The following RFX7 variants were observed in gnomAD, a reference collection of about 807,000 sequenced individuals.
RFX7 encodes DNA-binding protein RFX7.
In RFX7, 26 loss-of-function variants were observed where a neutral mutation model predicts 111.8. The observed-to-expected ratio is 0.23, with a 90% CI of 0.17 to 0.32. RFX7 has a LOEUF of 0.32. Among genes scored for constraint, RFX7 ranks in the 10% least tolerant of loss-of-function variants. The pLI, the probability that RFX7 is intolerant of heterozygous loss-of-function variation, is 1.00. For missense variants in RFX7, 1,573 were observed against 1,772.9 expected, an observed-to-expected ratio of 0.89 and a Z score of 2.02; for synonymous variants, 624 against 624.4, an observed-to-expected ratio of 1.00 and a Z score of 0.01.
At chr15:56,196,210 AC>A (rs1456066432) in intron 2 of RFX7, among the ~76,000 whole-genome samples, 1 of 152,114 alleles carries the variant, frequency 6.6e-6, no homozygotes, top group Non-Finnish European at 1.5e-5. Flanking sequence ...GCCAGTTTGA[AC>A]AAACTTCAAC....
chr15:56,105,326 T>G (rs2041815582), intron 5 of RFX7, among the ~76,000 whole-genome samples: 1 of 152,200 alleles, frequency 6.6e-6, no homozygotes, highest in African/African-American at 2.4e-5. Context: ...TTTATTTGTC[T>G]TCTTCATCAC....
chr15:56,213,303 G>A (rs1339646965), intron 2 of RFX7, among the ~76,000 whole-genome samples: 1 of 152,114 alleles, frequency 6.6e-6, no homozygotes. Context: ...ATCCTACAAT[G>A]GGAGAATGGT....
intron 2 of RFX7, among the ~76,000 whole-genome samples, chr15:56,185,679 A>C (rs1210199137): frequency 6.6e-6 from 1 of 152,170 alleles, no homozygotes; most frequent in Non-Finnish European, 1.5e-5. Context: ...TTTTGTCTTA[A>C]GCTCTACTCT....
intron 2 of RFX7, among the ~76,000 whole-genome samples, chr15:56,232,774 G>C (rs1020600894): frequency 2.0e-5 from 3 of 152,124 alleles, no homozygotes; most frequent in Non-Finnish European, 4.4e-5. Flanking sequence ...AAATCTCTAG[G>C]GCAGGGGTAA....
intron 3 of RFX7, among the ~76,000 whole-genome samples, chr15:56,165,986 T>G (rs1278332310): frequency 1.3e-5 from 2 of 152,162 alleles, no homozygotes; most frequent in Non-Finnish European, 2.9e-5. Context: ...ACTGCAGCCT[T>G]TGACCTCCTG....
In RFX7 at chr15:56,095,420, C is replaced by A. The variant is rs1439488481; in HGVS notation, c.2308G>T (p.Asp770Tyr). ...TTAAAGCTGCCAACTGACTTTGAAT[C>A]ACTGTCCAAGAGAAAGACACTTCCT... ...LEGSVFLLDS[D>Y]SKSVGSFNPN... The change falls in exon 10 of 10, where the codon GAT becomes TAT. Residue 770 changes from aspartate to tyrosine, a missense_variant. Asp to Tyr is a radical substitution (Grantham distance 160). Transcript: ENST00000559447. 1.6e-5 allele frequency: 26 copies of A among 1,612,994 alleles called. No individual in the cohort carries two copies. In the East Asian group the frequency reaches 5.3e-4, roughly 33 times the overall value.
intron 3 of RFX7, among the ~76,000 whole-genome samples, chr15:56,157,892 T>G (rs949996682): frequency 1.3e-5 from 2 of 152,206 alleles, no homozygotes; most frequent in African/African-American, 4.8e-5. Flanking sequence ...CAATTTATCC[T>G]TAAGATGGTC....
At chr15:56,179,237 C>A in intron 3 of RFX7, 33 bp downstream of exon 3, 2 of 1,104,858 alleles carry the variant, frequency 1.8e-6, no homozygotes, top group Non-Finnish European at 2.4e-6. Context: ...AACCTTATTG[C>A]AAAAGGATTT....
chr15:56,140,030 A>G (rs1177544651), intron 5 of RFX7, among the ~76,000 whole-genome samples: 6 of 152,144 alleles, frequency 3.9e-5, no homozygotes, highest in Non-Finnish European at 8.8e-5. Flanking sequence ...GCTGTCAGAC[A>G]GGGACATTTA....
At chr15:56,123,374 C>T (rs1355376961) in intron 5 of RFX7, among the ~76,000 whole-genome samples, 1 of 152,130 alleles carries the variant, frequency 6.6e-6, no homozygotes, top group Non-Finnish European at 1.5e-5. Context: ...GAGCTAGAGC[C>T]TGAAATGGAG....
chr15:56,204,942 A>G (rs72738659), intron 2 of RFX7, among the ~76,000 whole-genome samples: 19,737 of 152,098 alleles, frequency 0.13, 1,640 homozygotes, highest in East Asian at 0.43. Context: ...ACACAGAAAC[A>G]TCTAAAACGA....
At chr15:56,119,504 C>A (rs2042048157) in intron 5 of RFX7, among the ~76,000 whole-genome samples, 1 of 151,920 alleles carries the variant, frequency 6.6e-6, no homozygotes, top group African/African-American at 2.4e-5. Context: ...TGGCTGGGTG[C>A]GGTGGCTCAC....
chr15:56,130,844 A>T (rs1016415561), intron 5 of RFX7, among the ~76,000 whole-genome samples: 20 of 152,150 alleles, frequency 1.3e-4, no homozygotes, highest in Non-Finnish European at 1.8e-4. Context: ...TACAAAAGAT[A>T]TTAAATTTAT....
chr15:56,191,137 A>G (rs1158994435), intron 2 of RFX7, among the ~76,000 whole-genome samples: 1 of 152,218 alleles, frequency 6.6e-6, no homozygotes, highest in Non-Finnish European at 1.5e-5. Flanking sequence ...GTAGGGATGT[A>G]AAAGAAGAGA....
intron 2 of RFX7, among the ~76,000 whole-genome samples, chr15:56,211,656 TA>T (rs1175357055): frequency 2.6e-5 from 4 of 152,014 alleles, no homozygotes; most frequent in Admixed American, 2.0e-4. Context: ...ACACATCAGA[TA>T]AAAGACTTAC....
At chr15:56,186,833 T>G (rs1267522571) in intron 2 of RFX7, among the ~76,000 whole-genome samples, 1 of 152,184 alleles carries the variant, frequency 6.6e-6, no homozygotes, top group African/African-American at 2.4e-5. Flanking sequence ...TATTCTCTCC[T>G]GTATGTATTC....
chr15:56,172,368 G>T (rs1211065296), intron 3 of RFX7, among the ~76,000 whole-genome samples: 3 of 152,066 alleles, frequency 2.0e-5, no homozygotes, highest in African/African-American at 7.2e-5. Flanking sequence ...GTTTCAGGAA[G>T]GATTTCTTTT....
In RFX7 at chr15:56,176,308, T is replaced by C. The variant is rs193253874; in HGVS notation, c.195+2962A>G. Among the ~76,000 whole-genome samples the C allele has an allele frequency of 8.1e-4, 124 of 152,258 alleles. 1 individual carries two copies. Among genetic ancestry groups the C allele is most frequent in the African/African-American group, 3.0e-3 (123 of 41,552 alleles). ...GAAAACATCCCAAACCTAACTAATC[T>C]ATGTGAGCTCAACAAAGCCCAAGTA... On this transcript the variant is annotated intron_variant, in intron 3 of 9. Coordinates refer to ENST00000559447, the MANE Select transcript of RFX7 (RefSeq NM_022841.7).
chr15:56,154,820 G>C (rs1228377170), intron 3 of RFX7, among the ~76,000 whole-genome samples: 2 of 152,138 alleles, frequency 1.3e-5, no homozygotes, highest in Non-Finnish European at 2.9e-5. Flanking sequence ...CACAGCAAAA[G>C]AAACTATCAT....
Sources: allele counts gnomAD v4.1 joint callset (sites outside exome capture counted in the v4.1 genomes callset), GRCh38; gene constraint gnomAD v4.1.1; transcripts MANE v1.5; gene names NCBI Gene and HGNC (gene_info 2026-07-23, HGNC 2026-07-21).